The following LY86 variants were observed in gnomAD, a reference collection of about 807,000 sequenced individuals.
The protein encoded by LY86 is lymphocyte antigen 86, also known as MD-1, RP105-associated.
Under a neutral mutation model 17.3 loss-of-function variants are expected in LY86, and 20 were observed. That is an observed-to-expected ratio of 1.15 (90% confidence interval 0.81 to 1.68). LY86 has a LOEUF of 1.68. Ranked by LOEUF, LY86 falls within the 40% of genes most tolerant of loss-of-function variation. LY86 has a pLI of 0.00. For missense variants in LY86, 200 were observed against 191.9 expected (o/e 1.04, Z -0.25); for synonymous variants, 74 against 70.6 (o/e 1.05, Z -0.24).
At chr6:6,591,685 T>A (rs1760534725) in intron 1 of LY86, among the ~76,000 whole-genome samples, 2 of 152,116 alleles carry the variant, frequency 1.3e-5, no homozygotes, top group Non-Finnish European at 2.9e-5. Context: ...CAGAATTATA[T>A]CCCCAGGGTC....
intron 4 of LY86, among the ~76,000 whole-genome samples, chr6:6,651,699 A>G (rs917240058): frequency 3.3e-5 from 5 of 152,136 alleles, no homozygotes; most frequent in African/African-American, 1.2e-4. Context: ...TAAACCAGTT[A>G]CTCAGCAACT....
rs562406849 is a variant in LY86, at chr6:6,641,375, A to G, written c.353-8250A>G. Among the ~76,000 whole-genome samples, 11 of 152,310 alleles carry G rather than the reference A, an allele frequency of 7.2e-5. No homozygotes were observed. The South Asian group carries it at 2.3e-3, about 32-fold the overall frequency. ...TCCATCCAACTGAATGAAGAAAACA[A>G]AGACAGAGTTCACCGTGCCCCCCTC... On this transcript the variant is annotated intron_variant, in intron 3 of 4. Transcript: ENST00000230568.
chr6:6,599,586 CAG>C (rs1474041248), intron 1 of LY86, among the ~76,000 whole-genome samples: 2 of 152,200 alleles, frequency 1.3e-5, no homozygotes, highest in African/African-American at 4.8e-5. Context: ...CATTGGGTTG[CAG>C]AGAGCTGTCA....
rs200582242 is a variant in LY86, at chr6:6,625,007, T to G, written c.218T>G (p.Ile73Ser). 2.1e-6 allele frequency: 3 copies of G among 1,448,618 alleles called. No homozygotes were observed. Among genetic ancestry groups the G allele is most frequent in the Admixed American group, 3.6e-5 (2 of 55,214 alleles). 89.7% of individuals were successfully genotyped at this position (1,448,618 alleles called of 1,614,324 possible). Residue 73 changes from isoleucine (I) to serine (S), a missense_variant, in exon 2 of 5, where the codon ATT (isoleucine) becomes AGT (serine). Physicochemically the swap from Ile to Ser is moderately radical, Grantham distance 142. Transcript: ENST00000230568. The part of the protein sequence containing the change: ...KSNINIRFGI[I>S]LREDIKELFL... ...AATATCAACATTAGATTTGGAATTATTCTGAGTAAGTAAAAAAAATGATTA... is the reference window on the plus strand; with the variant it reads ...AATATCAACATTAGATTTGGAATTAGTCTGAGTAAGTAAAAAAAATGATTA...
chr6:6,627,071 C>T (rs1166939923), intron 3 of LY86, among the ~76,000 whole-genome samples: 1 of 152,138 alleles, frequency 6.6e-6, no homozygotes, highest in African/African-American at 2.4e-5. Flanking sequence ...CACCAAGGCC[C>T]TGAGATGCTT....
intron 1 of LY86, among the ~76,000 whole-genome samples, chr6:6,605,686 G>C (rs567807385): frequency 1.3e-5 from 2 of 152,330 alleles, no homozygotes; most frequent in South Asian, 4.1e-4. Context: ...TTCATCTCAC[G>C]GACTTAAAGA....
chr6:6,589,175 T>C (rs912122086), intron 1 of LY86, among the ~76,000 whole-genome samples: 8 of 152,200 alleles, frequency 5.3e-5, no homozygotes, highest in African/African-American at 1.7e-4. Context: ...TCAGTGAGTC[T>C]ACCAAATCAT....
At chr6:6,589,334 T>C (rs1223500802) in intron 1 of LY86, among the ~76,000 whole-genome samples, 5 of 152,244 alleles carry the variant, frequency 3.3e-5, no homozygotes, top group Non-Finnish European at 1.5e-5. Context: ...TGTCCCTCTC[T>C]GGACACTTTC....
chr6:6,620,471 T>C (rs926133762), intron 1 of LY86, among the ~76,000 whole-genome samples: 5 of 152,220 alleles, frequency 3.3e-5, no homozygotes, highest in Admixed American at 6.5e-5. Context: ...GCTACATCCA[T>C]GGCCTCCAGG....
At chr6:6,606,629 C>G (rs1234796791) in intron 1 of LY86, among the ~76,000 whole-genome samples, 1 of 152,230 alleles carries the variant, frequency 6.6e-6, no homozygotes, top group Non-Finnish European at 1.5e-5. Flanking sequence ...GGGGAGGAAG[C>G]TAAGGCCCGG....
chr6:6,598,837 C>T (rs1027165639), intron 1 of LY86, among the ~76,000 whole-genome samples: 1 of 152,198 alleles, frequency 6.6e-6, no homozygotes, highest in South Asian at 2.1e-4. Context: ...ACATGCTGAA[C>T]TTTGTCTGCA....
chr6:6,589,310 AAAGAG>A (rs1405882436), intron 1 of LY86, among the ~76,000 whole-genome samples: 1 of 152,298 alleles, frequency 6.6e-6, no homozygotes, highest in Non-Finnish European at 1.5e-5. Flanking sequence ...ACTTCTGCCC[AAAGAG>A]AAGATTCCTG....
At chr6:6,616,062 C>T (rs1327335533) in intron 1 of LY86, among the ~76,000 whole-genome samples, 1 of 152,152 alleles carries the variant, frequency 6.6e-6, no homozygotes, top group Admixed American at 6.5e-5. Context: ...TATTATGTGC[C>T]TAGCACTGGC....
chr6:6,644,006 G>A (rs2113159938), intron 3 of LY86, among the ~76,000 whole-genome samples: 1 of 152,274 alleles, frequency 6.6e-6, no homozygotes, highest in South Asian at 2.1e-4. Context: ...TATGCCAATT[G>A]GCCTAGGCAT....
At chr6:6,634,029 T>A (rs1581249579) in intron 3 of LY86, among the ~76,000 whole-genome samples, 1 of 152,294 alleles carries the variant, frequency 6.6e-6, no homozygotes, top group East Asian at 1.9e-4. Context: ...TGAGAGGACT[T>A]AATTATGCCT....
chr6:6,615,248 T>G (rs959085187), intron 1 of LY86, among the ~76,000 whole-genome samples: 1 of 152,160 alleles, frequency 6.6e-6, no homozygotes, highest in Non-Finnish European at 1.5e-5. Context: ...GGGGTGGAAC[T>G]CAGGCATGGG....
chr6:6,599,718 G>A (rs1480754381), intron 1 of LY86, among the ~76,000 whole-genome samples: 1 of 152,188 alleles, frequency 6.6e-6, no homozygotes, highest in Non-Finnish European at 1.5e-5. Context: ...AAAATGTTCA[G>A]GCAAGATAAA....
chr6:6,613,907 G>A (rs1453265422), intron 1 of LY86, among the ~76,000 whole-genome samples: 1 of 152,260 alleles, frequency 6.6e-6, no homozygotes, highest in Admixed American at 6.5e-5. Flanking sequence ...GCGAAGCAAG[G>A]TGTTGCTAGA....
chr6:6,603,597 C>CAAAAAAAAAAAAAAAAAAAA, intron 1 of LY86, among the ~76,000 whole-genome samples: 1 of 56,550 alleles, frequency 1.8e-5, no homozygotes, highest in Non-Finnish European at 3.3e-5. Context: ...AAAACAAAAA[C>CAAAAAAAAAAAAAAAAAAAA]AGAAACAGAA....
Sources: gnomAD v4.1 joint callset for allele counts (sites outside exome capture counted in the v4.1 genomes callset) on GRCh38, gnomAD v4.1.1 for gene constraint, MANE v1.5 for transcripts, NCBI Gene and HGNC (gene_info 2026-07-23, HGNC 2026-07-21) for gene names.